ST6GALNAC3: variants seen among roughly 807,000 people sequenced by gnomAD.
ST6GALNAC3 encodes the protein ST6 N-acetylgalactosaminide alpha-2,6-sialyltransferase 3.
ST6GALNAC3 carries 25 observed loss-of-function variants against 32.7 expected under a neutral mutation model. The observed-to-expected ratio is 0.76, with a 90% CI of 0.56 to 1.07. The LOEUF (loss-of-function observed/expected upper bound fraction) is 1.07, where lower values mean the gene tolerates loss of function less well. Among genes scored for constraint, ST6GALNAC3 ranks in the 50% least tolerant of loss-of-function variants. The pLI is 0.00. For synonymous variants in ST6GALNAC3, 129 were observed against 133.1 expected, an observed-to-expected ratio of 0.97 and a Z score of 0.21; for missense variants, 355 against 382.4, an observed-to-expected ratio of 0.93 and a Z score of 0.60.
chr1:76,453,601 C>A (rs183290919), intron 3 of ST6GALNAC3, among the ~76,000 whole-genome samples: 2 of 151,920 alleles, frequency 1.3e-5, no homozygotes, highest in Non-Finnish European at 2.9e-5. Flanking sequence ...GGTTCCTTTT[C>A]GAGTTGATTT....
chr1:76,445,014 C>T (rs552470612), intron 3 of ST6GALNAC3, among the ~76,000 whole-genome samples: 1 of 152,288 alleles, frequency 6.6e-6, no homozygotes, highest in South Asian at 2.1e-4. Flanking sequence ...CTAGAAAGTT[C>T]TAGTCTAAAG....
intron 3 of ST6GALNAC3, among the ~76,000 whole-genome samples, chr1:76,557,899 A>C (rs1209779622): frequency 6.6e-6 from 1 of 152,194 alleles, no homozygotes. Context: ...AAAATGAATC[A>C]TACATTTTCA....
chr1:76,418,755 T>C (rs1266199073), intron 3 of ST6GALNAC3, among the ~76,000 whole-genome samples: 2 of 152,004 alleles, frequency 1.3e-5, no homozygotes, highest in African/African-American at 4.8e-5. Flanking sequence ...CATGCAGCAG[T>C]CATGGGCAGA....
chr1:76,521,248 C>T (rs1662514131), intron 3 of ST6GALNAC3, among the ~76,000 whole-genome samples: 1 of 151,638 alleles, frequency 6.6e-6, no homozygotes, highest in Non-Finnish European at 1.5e-5. Context: ...ATTCCCCAAA[C>T]ATAAACATTG....
chr1:76,533,242 A>G (rs1048111722), intron 3 of ST6GALNAC3, among the ~76,000 whole-genome samples: 3 of 152,158 alleles, frequency 2.0e-5, no homozygotes, highest in Admixed American at 6.5e-5. Flanking sequence ...ACTTTTGAAA[A>G]AGTCCTGTAC....
intron 1 of ST6GALNAC3, among the ~76,000 whole-genome samples, chr1:76,135,743 C>T (rs1649905203): frequency 6.6e-6 from 1 of 152,240 alleles, no homozygotes; most frequent in African/African-American, 2.4e-5. Context: ...GCAACTTCTT[C>T]AAAGCCTAAT....
At chr1:76,472,042 C>T (rs1289280530) in intron 3 of ST6GALNAC3, among the ~76,000 whole-genome samples, 1 of 152,064 alleles carries the variant, frequency 6.6e-6, no homozygotes, top group Non-Finnish European at 1.5e-5. Flanking sequence ...GCAAACATGA[C>T]ATTTAAGGAG....
chr1:76,521,444 TTCTGGGC>T (rs1282086070), intron 3 of ST6GALNAC3, among the ~76,000 whole-genome samples: 6 of 152,150 alleles, frequency 3.9e-5, no homozygotes, highest in East Asian at 1.9e-4. Flanking sequence ...ATCTCAAAAC[TTCTGGGC>T]TCAAGCAAAC....
intron 2 of ST6GALNAC3, among the ~76,000 whole-genome samples, chr1:76,403,210 T>C (rs892731342): frequency 6.6e-6 from 1 of 152,096 alleles, no homozygotes; most frequent in African/African-American, 2.4e-5. Flanking sequence ...ATAAAACCTC[T>C]AATGCTATAT....
intron 2 of ST6GALNAC3, among the ~76,000 whole-genome samples, chr1:76,397,743 G>A (rs1387487697): frequency 1.3e-5 from 2 of 151,872 alleles, no homozygotes; most frequent in Admixed American, 6.6e-5. Flanking sequence ...TTGCATTTTC[G>A]TTGCTATTGC....
chr1:76,302,536 G>T (rs532668222), intron 1 of ST6GALNAC3, among the ~76,000 whole-genome samples: 4 of 151,948 alleles, frequency 2.6e-5, no homozygotes, highest in Non-Finnish European at 5.9e-5. Context: ...TCTATTTAGA[G>T]TAACAGTGTG....
In ST6GALNAC3 at chr1:76,126,424, T is replaced by TTTCC. The variant is rs770778690; in HGVS notation, c.18+51566_18+51569dup. ...TTTCCCTCCCTCCCTCCCTCCTGCC[T>TTTCC]TTCCTTCCTTCCTTCCTTCCTTCCT... On this transcript the variant is annotated intron_variant, in intron 1 of 4. Transcript: ENST00000328299. Among the ~76,000 whole-genome samples the TTTCC allele has an allele frequency of 5.2e-3, 381 of 73,406 alleles. 2 individuals are homozygous for TTTCC. Among genetic ancestry groups the TTTCC allele is most frequent in the Admixed American group, 7.8e-3 (59 of 7,590 alleles). The allele number at this position is 73,406 out of a possible 152,430, so 48.2% of individuals were successfully genotyped here.
At chr1:76,170,885 T>G (rs184273177) in intron 1 of ST6GALNAC3, among the ~76,000 whole-genome samples, 1 of 152,292 alleles carries the variant, frequency 6.6e-6, no homozygotes, top group African/African-American at 2.4e-5. Flanking sequence ...GAGTGAATAA[T>G]ATGAGTTTTT....
chr1:76,297,123 G>A (rs531099425), intron 1 of ST6GALNAC3, among the ~76,000 whole-genome samples: 1 of 152,034 alleles, frequency 6.6e-6, no homozygotes, highest in South Asian at 2.1e-4. Context: ...TGGAGAAGGG[G>A]CTCTTCTCTC....
chr1:76,458,537 A>G (rs971114212), intron 3 of ST6GALNAC3, among the ~76,000 whole-genome samples: 6 of 144,202 alleles, frequency 4.2e-5, no homozygotes, highest in Non-Finnish European at 6.0e-5. Flanking sequence ...CATATACACC[A>G]TGGAATACTA....
intron 3 of ST6GALNAC3, among the ~76,000 whole-genome samples, chr1:76,415,678 C>T (rs568213596): frequency 6.6e-6 from 1 of 152,046 alleles, no homozygotes; most frequent in African/African-American, 2.4e-5. Flanking sequence ...ATGTTTCAGG[C>T]TTTTTTTGTA....
rs1319426166 is a variant in ST6GALNAC3, at chr1:76,376,434, T to C, written c.214-35574T>C. On this transcript the variant is annotated intron_variant, in intron 2 of 4. Transcript: ENST00000328299. Reference sequence around the variant, plus strand: ...GTTCTATCACAAGGATATCTCATGCTACCCCTTTATGGCCACAGACAGCTC... The same window carrying C: ...GTTCTATCACAAGGATATCTCATGCCACCCCTTTATGGCCACAGACAGCTC... Among the ~76,000 whole-genome samples, 4 of 152,166 alleles carry C rather than the reference T, an allele frequency of 2.6e-5. No individual in the cohort carries two copies. In the East Asian group the frequency reaches 7.7e-4, roughly 29 times the overall value.
At chr1:76,626,785 AG>A (rs2100722821) in intron 3 of ST6GALNAC3, among the ~76,000 whole-genome samples, 1 of 151,992 alleles carries the variant, frequency 6.6e-6, no homozygotes, top group Admixed American at 6.6e-5. Flanking sequence ...CAAAGACAGA[AG>A]GTTTGGTTGT....
At chr1:76,172,260 CA>C (rs2100424548) in intron 1 of ST6GALNAC3, among the ~76,000 whole-genome samples, 1 of 152,258 alleles carries the variant, frequency 6.6e-6, no homozygotes, top group African/African-American at 2.4e-5. Flanking sequence ...TCAACAGATG[CA>C]GAAAAGACCT....
Sources: gnomAD v4.1 joint callset for allele counts (sites outside exome capture counted in the v4.1 genomes callset) on GRCh38, gnomAD v4.1.1 for gene constraint, MANE v1.5 for transcripts, NCBI Gene and HGNC (gene_info 2026-07-23, HGNC 2026-07-21) for gene names.